ARL14EPL: variants seen among roughly 807,000 people sequenced by gnomAD.
ARL14EPL encodes the protein ARL14 effector protein-like.
Under a neutral mutation model 15.9 loss-of-function variants are expected in ARL14EPL, and 17 were observed. The observed-to-expected ratio is 1.07, with a 90% CI of 0.73 to 1.60. The LOEUF (loss-of-function observed/expected upper bound fraction) is 1.60. Among genes scored for constraint, ARL14EPL ranks in the 40% most tolerant of loss-of-function variants. The probability of loss-of-function intolerance (pLI) is 0.00; values close to 1 mark genes in which losing one functional copy is unlikely to be tolerated. For missense variants in ARL14EPL, 214 were observed against 185.9 expected (o/e 1.15, Z -0.88); for synonymous variants, 78 against 63.8 (o/e 1.22, Z -1.06).
chr5:116,033,274 C>T (rs1023977106), intron 1 of ARL14EPL, among the ~76,000 whole-genome samples: 3 of 152,158 alleles, frequency 2.0e-5, no homozygotes, highest in Non-Finnish European at 4.4e-5. Context: ...AGTAACCATA[C>T]TTTGAGTACC....
intron 1 of ARL14EPL, among the ~76,000 whole-genome samples, chr5:116,044,334 G>T (rs931458117): frequency 3.3e-5 from 5 of 152,136 alleles, no homozygotes; most frequent in African/African-American, 4.8e-5. Flanking sequence ...AACCCTGGTG[G>T]CAGAGGACAA....
At chr5:116,043,864 G>T (rs1239373783) in intron 1 of ARL14EPL, among the ~76,000 whole-genome samples, 1 of 152,116 alleles carries the variant, frequency 6.6e-6, no homozygotes, top group East Asian at 1.9e-4. Flanking sequence ...TTGTATTTCA[G>T]TGTTGCTGTA....
chr5:116,047,059 C>A (rs1876677), intron 1 of ARL14EPL, among the ~76,000 whole-genome samples: 112,358 of 152,106 alleles, frequency 0.74, 42,379 homozygotes, highest in Middle Eastern at 0.84. Flanking sequence ...TCAATTGGCA[C>A]CTTGATCTTG....
intron 1 of ARL14EPL, chr5:116,051,200 T>C (rs1749369372): frequency 5.7e-6 from 2 of 349,784 alleles, no homozygotes; most frequent in South Asian, 1.4e-4. Context: ...TTAAGAGAGG[T>C]TTATGATGCT....
chr5:116,039,867 A>T (rs906685605), intron 1 of ARL14EPL, among the ~76,000 whole-genome samples: 1 of 152,206 alleles, frequency 6.6e-6, no homozygotes, highest in Non-Finnish European at 1.5e-5. Context: ...AGAAGAAATG[A>T]TTACATTCCT....
At chr5:116,053,373 G>GA (rs11302504) in intron 2 of ARL14EPL, among the ~76,000 whole-genome samples, 18,913 of 141,326 alleles carry the variant, frequency 0.13, 1,455 homozygotes, top group African/African-American at 0.21. Flanking sequence ...GAAAAGAAAG[G>GA]AAAAAAAAAA....
intron 1 of ARL14EPL, among the ~76,000 whole-genome samples, chr5:116,034,187 T>C (rs1272845856): frequency 6.6e-6 from 1 of 152,120 alleles, no homozygotes; most frequent in African/African-American, 2.4e-5. Context: ...AATAGTTCTT[T>C]AGTGTTAGCA....
intron 1 of ARL14EPL, among the ~76,000 whole-genome samples, chr5:116,038,947 G>A (rs1162441637): frequency 6.6e-6 from 1 of 152,162 alleles, no homozygotes; most frequent in Non-Finnish European, 1.5e-5. Context: ...GCCCCAGACA[G>A]CCTTTCAGGG....
Position 116,051,459 on chromosome 5 carries a change from A to C in ARL14EPL, c.-7A>C. The C allele has an allele frequency of 6.6e-7, 1 of 1,520,820 alleles. No homozygotes were observed. 94.2% of individuals were successfully genotyped at this position (1,520,820 alleles called of 1,614,324 possible). A position where few individuals can be genotyped will look rare whatever the true frequency, so the allele number is the denominator to read the frequency against. On this transcript the variant is annotated splice_region_variant and 5_prime_UTR_variant, in exon 2 of 4. Transcript: ENST00000686077. ...ACTTTTTCCAATTACTTTTTAAGTG[A>C]TCAGAGATGAATGAACAATCAGAGA...
intron 1 of ARL14EPL, among the ~76,000 whole-genome samples, chr5:116,040,392 C>T (rs1027453649): frequency 3.3e-5 from 5 of 150,058 alleles, no homozygotes; most frequent in East Asian, 2.0e-4. Flanking sequence ...AAATTATAGC[C>T]GTTTGGTATA....
At chr5:116,052,194 T>C in intron 2 of ARL14EPL, 1 of 1,608,908 alleles carries the variant, frequency 6.2e-7, no homozygotes, top group Non-Finnish European at 8.5e-7. Context: ...CACTTCTTCT[T>C]TTTGGCCTTG....
chr5:116,051,234 A>T, intron 1 of ARL14EPL: 1 of 462,974 alleles, frequency 2.2e-6, no homozygotes, highest in Admixed American at 3.9e-5. Flanking sequence ...GGTACTATTG[A>T]TTTTCTCCTG....
chr5:116,052,314 C>G (rs934775513), intron 2 of ARL14EPL: 2 of 1,082,900 alleles, frequency 1.8e-6, no homozygotes, highest in South Asian at 2.5e-5. Flanking sequence ...CAGCAGACAC[C>G]GCAGCCTTGC....
At position 116,059,229 on chromosome 5, in the gene ARL14EPL, A is replaced by T; in HGVS notation, c.*282A>T. On this transcript the variant is annotated 3_prime_UTR_variant, in exon 4 of 4. Transcript: ENST00000686077. ...ATCTCTACTCTGCCTTCAAATTAAA[A>T]CTCTCTTCCCTCTTTGCTGATATCT... 2.2e-5 allele frequency: 7 copies of T among 323,374 alleles called. No homozygotes were observed. Among genetic ancestry groups the T allele is most frequent in the South Asian group, 5.3e-5 (1 of 18,742 alleles). 20.0% of individuals were successfully genotyped at this position (323,374 alleles called of 1,614,324 possible).
At chr5:116,046,728 G>T (rs1239758094) in intron 1 of ARL14EPL, among the ~76,000 whole-genome samples, 2 of 152,168 alleles carry the variant, frequency 1.3e-5, no homozygotes, top group Admixed American at 1.3e-4. Flanking sequence ...GCTATGTTGG[G>T]TTATTTCATT....
intron 1 of ARL14EPL, among the ~76,000 whole-genome samples, chr5:116,040,851 G>T (rs1037942583): frequency 2.3e-4 from 34 of 148,616 alleles, no homozygotes; most frequent in African/African-American, 7.9e-4. Context: ...CGTGGTGGCG[G>T]GCGCCTGTAG....
At chr5:116,036,765 A>G (rs913199248) in intron 1 of ARL14EPL, among the ~76,000 whole-genome samples, 1 of 152,216 alleles carries the variant, frequency 6.6e-6, no homozygotes, top group East Asian at 1.9e-4. Flanking sequence ...TCCATAAACC[A>G]TTGTAACTAT....
At chr5:116,045,745 AGTGT>A (rs56960751) in intron 1 of ARL14EPL, among the ~76,000 whole-genome samples, 3,689 of 148,644 alleles carry the variant, frequency 0.025, 142 homozygotes, top group African/African-American at 0.081. Context: ...GACCCACAGA[AGTGT>A]GTGTGTGTGT....
chr5:116,046,331 C>G (rs1465056267), intron 1 of ARL14EPL, among the ~76,000 whole-genome samples: 4 of 152,100 alleles, frequency 2.6e-5, no homozygotes, highest in African/African-American at 9.7e-5. Context: ...TTGCTAGTGT[C>G]CATAGGGGTA....
Sources: allele counts gnomAD v4.1 joint callset (sites outside exome capture counted in the v4.1 genomes callset), GRCh38; gene constraint gnomAD v4.1.1; transcripts MANE v1.5; gene names NCBI Gene and HGNC (gene_info 2026-07-23, HGNC 2026-07-21).